VAV1: variants seen among roughly 807,000 people sequenced by gnomAD.
VAV1 encodes the protein vav guanine nucleotide exchange factor 1, also known as proto-oncogene vav.
Under a neutral mutation model 128.1 loss-of-function variants are expected in VAV1, and 33 were observed. That is an observed-to-expected ratio of 0.26 (90% confidence interval 0.20 to 0.34). The LOEUF (loss-of-function observed/expected upper bound fraction) is 0.34, where lower values mean the gene tolerates loss of function less well. Among genes scored for constraint, VAV1 ranks in the 10% least tolerant of loss-of-function variants. The pLI, the probability that VAV1 is intolerant of heterozygous loss-of-function variation, is 1.00. For missense variants in VAV1, 715 were observed against 1,093.7 expected (o/e 0.65, Z 4.88); for synonymous variants, 394 against 409.8 (o/e 0.96, Z 0.47).
chr19:6,797,743 TAA>T (rs530435791), intron 1 of VAV1, among the ~76,000 whole-genome samples: 33 of 89,904 alleles, frequency 3.7e-4, no homozygotes, highest in Admixed American at 6.0e-4. Context: ...AAACTCCGTC[TAA>T]AAAAAAAAAA....
intron 1 of VAV1, chr19:6,784,246 G>T: frequency 1.5e-6 from 1 of 651,864 alleles, no homozygotes; most frequent in South Asian, 1.7e-5. Context: ...AAAAGAGTAA[G>T]ACCCTGTCTC....
chr19:6,808,781 G>A (rs546510663), intron 1 of VAV1, among the ~76,000 whole-genome samples: 5 of 152,278 alleles, frequency 3.3e-5, no homozygotes, highest in South Asian at 4.2e-4. Context: ...TTAGTAAATT[G>A]TCTGGGCAGA....
intron 26 of VAV1, 107 bp downstream of exon 26, chr19:6,854,205 T>C: frequency 7.1e-7 from 1 of 1,415,886 alleles, no homozygotes; most frequent in Non-Finnish European, 9.6e-7. Flanking sequence ...CCCATGGAGA[T>C]CTCTCACGGT....
chr19:6,834,019 G>C, intron 19 of VAV1, 66 bp downstream of exon 19: 1 of 1,606,700 alleles, frequency 6.2e-7, no homozygotes, highest in South Asian at 1.1e-5. Flanking sequence ...GTTGACCCAG[G>C]GACAGATCTC....
At chr19:6,806,782 C>A (rs774337035) in intron 1 of VAV1, among the ~76,000 whole-genome samples, 3 of 152,300 alleles carry the variant, frequency 2.0e-5, no homozygotes, top group Non-Finnish European at 2.9e-5. Context: ...CCTCTCAGCC[C>A]ATGTTGCTAG....
intron 1 of VAV1, among the ~76,000 whole-genome samples, chr19:6,800,916 C>T (rs575711997): frequency 3.3e-5 from 5 of 152,272 alleles, no homozygotes; most frequent in South Asian, 2.1e-4. Context: ...CGTGAGCCAC[C>T]GCACCCAGCC....
At chr19:6,784,199 A>G in intron 1 of VAV1, 1 of 642,430 alleles carries the variant, frequency 1.6e-6, no homozygotes, top group Non-Finnish European at 2.9e-6. Context: ...TGCTGCAGTG[A>G]GCTATGATTG....
chr19:6,781,077 T>G (rs1970758411), intron 1 of VAV1, among the ~76,000 whole-genome samples: 1 of 150,192 alleles, frequency 6.7e-6, no homozygotes, highest in Non-Finnish European at 1.5e-5. Flanking sequence ...CCCACCATTT[T>G]TTAAAGTAGA....
At position 6,822,134 on chromosome 19, in the gene VAV1, G is replaced by C. The variant is rs56044916; in HGVS notation, c.450-87G>C. The C allele has an allele frequency of 8.4e-5, 114 of 1,354,510 alleles. 1 individual carries two copies. Among genetic ancestry groups the C allele is most frequent in the African/African-American group, 6.2e-4 (43 of 69,134 alleles). The allele number at this position is 1,354,510 out of a possible 1,614,324, so 83.9% of individuals were successfully genotyped here. On this transcript the variant is annotated intron_variant, in intron 4 of 26. Transcript: ENST00000602142. The surrounding 1 kb of genome is among the most constrained non-coding windows in gnomAD (Gnocchi z 5.9). Reference sequence around the variant, plus strand: ...CTGAGGTCCCACCCTTGGAGTCTTGGGGGGACAAAGCCCTGCGCTGGGGTC... The same window carrying C: ...CTGAGGTCCCACCCTTGGAGTCTTGCGGGGACAAAGCCCTGCGCTGGGGTC...
Position 6,828,363 on chromosome 19 carries a change from C to A in VAV1, c.1024-56C>A. The A allele has an allele frequency of 3.1e-6, 5 of 1,603,130 alleles. No homozygotes were observed. Among genetic ancestry groups the A allele is most frequent in the Non-Finnish European group, 4.3e-6 (5 of 1,171,100 alleles). On this transcript the variant is annotated intron_variant, in intron 10 of 26. Transcript: ENST00000602142. The surrounding 1 kb of genome is among the most constrained non-coding windows in gnomAD (Gnocchi z 4.5). ...GAGCTAGCATTGTTTGGAAGGCCCTCCCCGCAGGGAGAAGGGGAGGGGCCC... is the reference window on the plus strand; with the variant it reads ...GAGCTAGCATTGTTTGGAAGGCCCTACCCGCAGGGAGAAGGGGAGGGGCCC...
At position 6,826,676 on chromosome 19, in the gene VAV1, G is replaced by T; in HGVS notation, c.892G>T (p.Ala298Ser). Residue 298 changes from alanine to serine, a missense_variant, in exon 9 of 27, where the codon GCC (alanine) becomes TCC (serine). By Grantham distance (99) the Ala-to-Ser change is moderately conservative. Around this residue, in one of 3 missense-constraint regions of VAV1, gnomAD observed 302 missense variants for 477.8 expected, o/e 0.63. Coordinates refer to ENST00000602142, the MANE Select transcript of VAV1 (RefSeq NM_005428.4). This position sits in a 1 kb window ranked among gnomAD's most constrained non-coding sequence, Gnocchi z 4.1. ...AGCCAGCAAACACCTGGACCGTGTGGCCGCAGCCCGGGAGGACGTGCAGAT... is the reference window on the plus strand; with the variant it reads ...AGCCAGCAAACACCTGGACCGTGTGTCCGCAGCCCGGGAGGACGTGCAGAT... ...ESASKHLDRV[A>S]AAREDVQMKL... 6.4e-7 allele frequency: 1 copy of T among 1,559,948 alleles called. No homozygotes were observed. The highest frequency in any genetic ancestry group is 2.4e-5 in the East Asian group (1 of 41,970).
Position 6,833,629 on chromosome 19 carries a change from C to G in VAV1, c.1708+4C>G. 6.2e-7 allele frequency: 1 copy of G among 1,613,854 alleles called. No homozygotes were observed. Among genetic ancestry groups the G allele is most frequent in the Non-Finnish European group, 8.5e-7 (1 of 1,179,908 alleles). ...CCATGTGGCCGACATGGGCAAGGTA[C>G]GAGTGGGAGGGAGGCTGGGAGGTGA... On this transcript the variant is annotated splice_donor_region_variant and intron_variant, in intron 17 of 26. Coordinates refer to ENST00000602142, the MANE Select transcript of VAV1 (RefSeq NM_005428.4).
intron 1 of VAV1, among the ~76,000 whole-genome samples, chr19:6,774,058 G>A (rs682626): frequency 0.15 from 22,209 of 152,162 alleles, 1,765 homozygotes; most frequent in Middle Eastern, 0.19. Context: ...GGTTCCTGGC[G>A]GGTGGTTTTC....
chr19:6,814,674 T>TCCTTCCTTTCTCTCTCTC (rs1568299208), intron 1 of VAV1, among the ~76,000 whole-genome samples: 1 of 95,184 alleles, frequency 1.1e-5, no homozygotes, highest in African/African-American at 5.5e-5. Context: ...CTTCCTTCCT[T>TCCTTCCTTTCTCTCTCTC]TCTTTCTTTC....
chr19:6,784,011 TGA>T (rs1328493511), intron 1 of VAV1: 5 of 393,484 alleles, frequency 1.3e-5, no homozygotes, highest in Non-Finnish European at 2.3e-5. Flanking sequence ...CTCAGCACTT[TGA>T]GAGGCCGAGA....
intron 1 of VAV1, among the ~76,000 whole-genome samples, chr19:6,807,686 G>A (rs941100080): frequency 4.6e-5 from 7 of 151,722 alleles, no homozygotes; most frequent in Non-Finnish European, 1.0e-4. Flanking sequence ...CACTCAACTG[G>A]GCAACAGAGT....
intron 16 of VAV1, 29 bp from the exon 17 acceptor site, chr19:6,833,499 C>T: frequency 3.2e-6 from 5 of 1,564,974 alleles, no homozygotes; most frequent in Non-Finnish European, 4.3e-6. Flanking sequence ...AGGTCACTCG[C>T]TCTTCTTTAT....
chr19:6,807,926 G>T (rs1451372493), intron 1 of VAV1, among the ~76,000 whole-genome samples: 2 of 144,806 alleles, frequency 1.4e-5, no homozygotes, highest in Admixed American at 1.4e-4. Flanking sequence ...GGAGCCAGAG[G>T]TTGCAGTGAG....
At chr19:6,847,948 G>T (rs1395619665) in intron 22 of VAV1, 50 bp from the exon 23 acceptor site, 2 of 1,424,836 alleles carry the variant, frequency 1.4e-6, no homozygotes, top group Non-Finnish European at 1.8e-6. Context: ...GCAATATGGG[G>T]ACCCAGGCAC....
Sources: gnomAD v4.1 joint callset for allele counts (sites outside exome capture counted in the v4.1 genomes callset) on GRCh38, gnomAD v4.1.1 for gene constraint, gnomAD v4.1.1 regional missense constraint, Gnocchi (gnomAD v3.1) non-coding constraint, MANE v1.5 for transcripts, NCBI Gene and HGNC (gene_info 2026-07-23, HGNC 2026-07-21) for gene names.